The following LYPD6 variants were observed in gnomAD, a reference collection of about 807,000 sequenced individuals.
The protein encoded by LYPD6 is ly6/PLAUR domain-containing protein 6.
In LYPD6, 15 loss-of-function variants were observed where a neutral mutation model predicts 22.7. The observed-to-expected ratio is 0.66, with a 90% CI of 0.44 to 1.02. LYPD6 has a LOEUF of 1.02. Among genes scored for constraint, LYPD6 ranks in the 50% least tolerant of loss-of-function variants. The pLI, the probability that LYPD6 is intolerant of heterozygous loss-of-function variation, is 0.00. For missense variants in LYPD6, 189 were observed against 208.4 expected, an observed-to-expected ratio of 0.91 and a Z score of 0.57; for synonymous variants, 72 against 77.5, an observed-to-expected ratio of 0.93 and a Z score of 0.37.
the LYPD6 span, among the ~76,000 whole-genome samples, chr2:149,484,854 T>A: frequency 6.6e-6 from 1 of 152,148 alleles, no homozygotes; most frequent in Non-Finnish European, 1.5e-5. Context: ...TTTGGTGTTA[T>A]TTTTTCCCTG....
downstream of LYPD6, among the ~76,000 whole-genome samples, chr2:149,477,131 TC>T (rs2105190546): frequency 6.6e-6 from 1 of 152,266 alleles, no homozygotes; most frequent in Admixed American, 6.5e-5. Context: ...CTTTAAACAT[TC>T]AAAGCGTTGG....
chr2:149,336,283 C>T (rs1245116500), intron 1 of LYPD6, among the ~76,000 whole-genome samples: 1 of 152,044 alleles, frequency 6.6e-6, no homozygotes, highest in Admixed American at 6.5e-5. Context: ...AAAAACCAAG[C>T]TGCTAAAGTT....
chr2:149,338,566 T>C (rs559495821), intron 1 of LYPD6, among the ~76,000 whole-genome samples: 3 of 152,294 alleles, frequency 2.0e-5, no homozygotes, highest in South Asian at 4.1e-4. Context: ...TCTTCTGCCA[T>C]GTGAGGACAC....
At chr2:149,367,586 G>A (rs1205336748) in intron 1 of LYPD6, 1 of 152,144 alleles carries the variant, frequency 6.6e-6, no homozygotes, top group East Asian at 1.9e-4. Flanking sequence ...CAAGCCTTCA[G>A]GATCTTAGAT....
intron 1 of LYPD6, chr2:149,368,184 A>C (rs977893896): frequency 3.3e-5 from 5 of 152,224 alleles, no homozygotes; most frequent in African/African-American, 1.2e-4. Flanking sequence ...TCACTCAAGG[A>C]AGGCTTCCTG....
At chr2:149,414,149 T>A (rs562995275) in intron 1 of LYPD6, among the ~76,000 whole-genome samples, 1 of 152,352 alleles carries the variant, frequency 6.6e-6, no homozygotes, top group African/African-American at 2.4e-5. Flanking sequence ...TTAAAGAACT[T>A]GTACCTTTTT....
chr2:149,456,242 C>T (rs1378693284), intron 3 of LYPD6, among the ~76,000 whole-genome samples: 2 of 152,250 alleles, frequency 1.3e-5, no homozygotes, highest in Middle Eastern at 6.8e-3. Context: ...TTTCTTTCAT[C>T]TTGGGCTCTT....
chr2:149,442,978 G>T (rs749049255), intron 2 of LYPD6, among the ~76,000 whole-genome samples: 9 of 152,248 alleles, frequency 5.9e-5, no homozygotes, highest in Non-Finnish European at 1.0e-4. Flanking sequence ...AGATAATTTG[G>T]TTGTCAACGA....
At chr2:149,355,478 GT>G (rs1681432853) in intron 1 of LYPD6, among the ~76,000 whole-genome samples, 1 of 152,138 alleles carries the variant, frequency 6.6e-6, no homozygotes, top group Non-Finnish European at 1.5e-5. Flanking sequence ...CTTCAAAATT[GT>G]TTTTGATACC....
chr2:149,391,826 G>GTGGGGAAATAGAAACTAAT (rs2105098973), intron 1 of LYPD6, among the ~76,000 whole-genome samples: 1 of 152,292 alleles, frequency 6.6e-6, no homozygotes, highest in African/African-American at 2.4e-5. Flanking sequence ...ATCCCTATTG[G>GTGGGGAAATAGAAACTAAT]TGGGGAAATA....
chr2:149,401,542 G>A (rs146451765), intron 1 of LYPD6, among the ~76,000 whole-genome samples: 2 of 152,262 alleles, frequency 1.3e-5, no homozygotes, highest in African/African-American at 4.8e-5. Context: ...ATGGTACTCT[G>A]TATCCACACA....
At chr2:149,364,288 A>G (rs1012792928) in intron 1 of LYPD6, among the ~76,000 whole-genome samples, 9 of 152,164 alleles carry the variant, frequency 5.9e-5, no homozygotes, top group South Asian at 2.1e-4. Context: ...TTAGCCTGCA[A>G]TGTTACTTAT....
chr2:149,437,143 G>T (rs1242908271), intron 1 of LYPD6, among the ~76,000 whole-genome samples: 1 of 152,136 alleles, frequency 6.6e-6, no homozygotes, highest in East Asian at 1.9e-4. Context: ...TGTTACGGAG[G>T]CACTTTTTAA....
chr2:149,338,154 CT>C (rs561565198), intron 1 of LYPD6, among the ~76,000 whole-genome samples: 3 of 152,240 alleles, frequency 2.0e-5, no homozygotes, highest in African/African-American at 7.2e-5. Context: ...ATTTGTATTC[CT>C]TTGGGTATAT....
chr2:149,386,088 AC>A (rs1682178428), intron 1 of LYPD6, among the ~76,000 whole-genome samples: 1 of 152,168 alleles, frequency 6.6e-6, no homozygotes, highest in Non-Finnish European at 1.5e-5. Flanking sequence ...ACATATTTTA[AC>A]CTTTTAAATC....
Position 149,415,636 on chromosome 2 carries a change from A to T in LYPD6, c.-71-22002A>T, listed in dbSNP as rs113327223. On this transcript the variant is annotated intron_variant, in intron 1 of 4. Coordinates refer to ENST00000334166, the MANE Select transcript of LYPD6 (RefSeq NM_194317.5). ...GAGGAAGGAAGGAAGGAAAGAAAGA[A>T]GGAAGGGCTGGGTAGGCCTTACACT... 5.0e-4 allele frequency among the ~76,000 whole-genome samples: 75 copies of T among 151,218 alleles called. 1 individual carries two copies. The highest frequency in any genetic ancestry group is 1.8e-3 in the African/African-American group (74 of 41,476).
chr2:149,351,889 T>C (rs1419584310), intron 1 of LYPD6, among the ~76,000 whole-genome samples: 1 of 151,654 alleles, frequency 6.6e-6, no homozygotes, highest in Admixed American at 6.6e-5. Flanking sequence ...ATAAAGGAGG[T>C]CTTTTGTCTC....
chr2:149,385,097 T>G (rs953511139), intron 1 of LYPD6, among the ~76,000 whole-genome samples: 2 of 152,092 alleles, frequency 1.3e-5, no homozygotes, highest in Non-Finnish European at 2.9e-5. Context: ...TCCTTTCATT[T>G]CCTCTCCTTT....
intron 3 of LYPD6, among the ~76,000 whole-genome samples, chr2:149,456,788 G>T (rs2105170234): frequency 6.6e-6 from 1 of 152,296 alleles, no homozygotes; most frequent in South Asian, 2.1e-4. Context: ...TCATTCGGTG[G>T]TTTTTTATGG....
Sources: allele counts gnomAD v4.1 joint callset (sites outside exome capture counted in the v4.1 genomes callset), GRCh38; gene constraint gnomAD v4.1.1; transcripts MANE v1.5; gene names NCBI Gene and HGNC (gene_info 2026-07-23, HGNC 2026-07-21).